Variants in NEK1 observed in about 807,000 individuals in gnomAD.
The protein encoded by NEK1 is serine/threonine-protein kinase Nek1.
A neutral mutation model predicts 182.1 loss-of-function variants in NEK1; 137 were observed. The ratio of observed to expected loss-of-function variants is 0.75; its 90% CI spans 0.65 to 0.87. The LOEUF (loss-of-function observed/expected upper bound fraction) is 0.87. Ranked by LOEUF, NEK1 falls within the 40% of genes least tolerant of loss-of-function variation. The probability of loss-of-function intolerance (pLI) is 0.00; values close to 1 mark genes in which losing one functional copy is unlikely to be tolerated. For synonymous variants in NEK1, 513 were observed against 492.2 expected (o/e 1.04, Z -0.56); for missense variants, 1,391 against 1,494.4 (o/e 0.93, Z 1.14).
rs750593852 is a variant in NEK1, at chr4:169,537,855, C to T, written c.1619G>A (p.Arg540Gln). The part of the protein sequence containing the change: ...RAKQVEEFLQ[R>Q]KREAMQNKAR... Reference sequence around the variant, plus strand: ...TTTATTCTGCATAGCTTCCCGTTTTCGCTGCAGGAACTCTTCTACTTGTTT... The same window carrying T: ...TTTATTCTGCATAGCTTCCCGTTTTTGCTGCAGGAACTCTTCTACTTGTTT... The change falls in exon 19 of 36, where the codon CGA (arginine) becomes CAA (glutamine). Residue 540 changes from arginine to glutamine, a missense_variant. Physicochemically the swap from Arg to Gln is conservative, Grantham distance 43. Transcript: ENST00000507142. 25 of 1,611,960 alleles carry T rather than the reference C, an allele frequency of 1.6e-5. No individual in the cohort carries two copies. The highest frequency in any genetic ancestry group is 1.9e-5 in the Non-Finnish European group (22 of 1,178,872).
At position 169,483,220 on chromosome 4, in the gene NEK1, A is replaced by T. The variant is rs577447290; in HGVS notation, c.2008-3686T>A. Among the ~76,000 whole-genome samples the T allele has an allele frequency of 1.2e-4, 19 of 152,322 alleles. No individual in the cohort carries two copies. In the South Asian group the frequency reaches 3.1e-3, roughly 25 times the overall value. ...AGTCAGTGGAGCAATTAGAACACAC[A>T]CATTCATCAATTAAATTTCCCATCT... On this transcript the variant is annotated intron_variant, in intron 23 of 35. Coordinates refer to ENST00000507142, the MANE Select transcript of NEK1 (RefSeq NM_001199397.3).
chr4:169,505,806 A>G (rs1382416690), intron 23 of NEK1, among the ~76,000 whole-genome samples: 3 of 152,246 alleles, frequency 2.0e-5, no homozygotes, highest in Admixed American at 6.5e-5. Flanking sequence ...TAAGAGGATA[A>G]GCAAAAACTC....
rs1338888617 is a variant in NEK1, at chr4:169,537,806, T to C, written c.1665+3A>G. The C allele has an allele frequency of 6.2e-6, 10 of 1,608,030 alleles. No homozygotes were observed. Among genetic ancestry groups the C allele is most frequent in the Non-Finnish European group, 7.7e-6 (9 of 1,174,750 alleles). On this transcript the variant is annotated splice_donor_region_variant and intron_variant, in intron 19 of 35. Transcript: ENST00000507142. ...AAATCTCAGAAACAAACAAAATTCA[T>C]ACCATATGTCCTTCGGCTCGAGCTT... is the stretch of plus-strand genomic sequence containing the variant.
At chr4:169,524,484 A>C (rs536847090) in intron 19 of NEK1, among the ~76,000 whole-genome samples, 82 of 152,120 alleles carry the variant, frequency 5.4e-4, no homozygotes, top group African/African-American at 1.9e-3. Context: ...AAAAAAAGAA[A>C]AATGTTGAAT....
intron 23 of NEK1, among the ~76,000 whole-genome samples, chr4:169,488,335 C>T (rs1399167005): frequency 1.3e-5 from 2 of 152,078 alleles, no homozygotes; most frequent in Non-Finnish European, 2.9e-5. Context: ...ATCCATCTTG[C>T]GTTAACTTTT....
intron 27 of NEK1, among the ~76,000 whole-genome samples, chr4:169,455,845 G>A (rs1742775054): frequency 6.6e-6 from 1 of 152,172 alleles, no homozygotes; most frequent in South Asian, 2.1e-4. Flanking sequence ...GACTTCATCT[G>A]TATTGTAGAC....
At chr4:169,522,517 C>G (rs1756245242) in intron 19 of NEK1, among the ~76,000 whole-genome samples, 2 of 152,208 alleles carry the variant, frequency 1.3e-5, no homozygotes, top group African/African-American at 4.8e-5. Flanking sequence ...CGGCTTCTAG[C>G]CTACTTTTGT....
rs147656683 is a variant in NEK1, at chr4:169,457,636, AAG to A, written c.2587+5605_2587+5606del. Among the ~76,000 whole-genome samples, 964 of 144,894 alleles carry A rather than the reference AAG, an allele frequency of 6.7e-3. 9 individuals are homozygous for A. The highest frequency in any genetic ancestry group is 0.024 in the African/African-American group (928 of 38,410). ...AAAAGGAGAAAAGGAGAAAGGGAGA[AAG>A]AGAGAAAGTGCGGGGCAGGGGGAGA... On this transcript the variant is annotated intron_variant, in intron 27 of 35. Transcript: ENST00000507142.
At chr4:169,510,535 A>T (rs928795680) in intron 19 of NEK1, among the ~76,000 whole-genome samples, 1 of 152,084 alleles carries the variant, frequency 6.6e-6, no homozygotes, top group Non-Finnish European at 1.5e-5. Context: ...TTTGACTCTT[A>T]AATTGCTAAA....
rs377496359 is a variant in NEK1 at position 169,424,556 on chromosome 4, T to C, written c.3219A>G (p.Pro1073=). 17 of 1,589,012 alleles carry C rather than the reference T, an allele frequency of 1.1e-5. No homozygotes were observed. The African/African-American group carries it at 1.9e-4, about 18-fold the overall frequency. Residue 1073 remains proline (P), a synonymous_variant, in exon 31 of 36, where the codon CCA becomes CCG. Transcript: ENST00000507142. ...LSTGLFDANN[P]KMLRTCSLPD... ...TCCACTTGAGGACCATACTTGCCTT[T>C]GGGTTGTTTGCATCAAACAGACCAG...
intron 35 of NEK1, among the ~76,000 whole-genome samples, chr4:169,397,681 A>C (rs1392133028): frequency 6.6e-6 from 1 of 152,116 alleles, no homozygotes; most frequent in Non-Finnish European, 1.5e-5. Flanking sequence ...TTGCTTCCTG[A>C]GTGGTGTATT....
chr4:169,560,401 G>T (rs1580767606), intron 16 of NEK1, among the ~76,000 whole-genome samples: 1 of 152,150 alleles, frequency 6.6e-6, no homozygotes, highest in Non-Finnish European at 1.5e-5. Flanking sequence ...TATCTTCCAG[G>T]TGAGCAGAAT....
At chr4:169,452,942 C>A (rs1221453381) in intron 27 of NEK1, among the ~76,000 whole-genome samples, 1 of 152,150 alleles carries the variant, frequency 6.6e-6, no homozygotes, top group Admixed American at 6.5e-5. Flanking sequence ...TTTCCTTAAG[C>A]TGATAAGCAA....
intron 27 of NEK1, among the ~76,000 whole-genome samples, chr4:169,439,366 T>C (rs1368193997): frequency 2.0e-5 from 3 of 152,218 alleles, no homozygotes; most frequent in Admixed American, 6.5e-5. Flanking sequence ...AGCAAAAAAG[T>C]TGTTCATCAA....
intron 19 of NEK1, among the ~76,000 whole-genome samples, chr4:169,532,092 G>A (rs961918399): frequency 7.9e-5 from 12 of 152,114 alleles, no homozygotes; most frequent in East Asian, 5.8e-4. Flanking sequence ...GGCTGATGGC[G>A]GTGAGTAGGT....
At chr4:169,514,152 A>AT (rs1754693223) in intron 19 of NEK1, among the ~76,000 whole-genome samples, 1 of 151,548 alleles carries the variant, frequency 6.6e-6, no homozygotes, top group East Asian at 1.9e-4. Flanking sequence ...CGCCTGGCTA[A>AT]TTTTTTTGTA....
intron 2 of NEK1, among the ~76,000 whole-genome samples, chr4:169,610,304 G>T (rs1374286884): frequency 1.3e-5 from 2 of 151,160 alleles, no homozygotes; most frequent in African/African-American, 2.4e-5. Context: ...GTCTGACCCA[G>T]AATTTCTTTC....
chr4:169,459,127 AT>A (rs377139945), intron 27 of NEK1, among the ~76,000 whole-genome samples: 3 of 152,290 alleles, frequency 2.0e-5, no homozygotes, highest in Non-Finnish European at 4.4e-5. Flanking sequence ...CAAAAGACAT[AT>A]TTGATAAAGG....
Position 169,561,877 on chromosome 4 carries a change from C to T in NEK1, c.1095G>A (p.Lys365=), listed in dbSNP as rs747573165. ...RRKISEEAAR[K]RRLEFIEKEK... is the part of the protein sequence containing the mutation. ...CTTTTTCAATAAATTCCAGCCTTCT[C>T]TTTCTTGCTGCTTCCTTAAATAAAA... The change falls in exon 14 of 36, where the codon AAG becomes AAA. Residue 365 remains lysine (K), a synonymous_variant. Transcript: ENST00000507142. The T allele has an allele frequency of 4.4e-6, 7 of 1,606,098 alleles. No homozygotes were observed. The highest frequency in any genetic ancestry group is 1.7e-5 in the Admixed American group (1 of 59,072).
Sources: gnomAD v4.1 joint callset for allele counts (sites outside exome capture counted in the v4.1 genomes callset) on GRCh38, gnomAD v4.1.1 for gene constraint, MANE v1.5 for transcripts, NCBI Gene and HGNC (gene_info 2026-07-23, HGNC 2026-07-21) for gene names.